KIAA1328: variants seen among roughly 807,000 people sequenced by gnomAD.
KIAA1328 encodes the protein KIAA1328.
Under a neutral mutation model 68.1 loss-of-function variants are expected in KIAA1328, and 52 were observed. That is an observed-to-expected ratio of 0.76 (90% CI 0.61 to 0.96). The LOEUF (loss-of-function observed/expected upper bound fraction) is 0.96, where lower values mean the gene tolerates loss of function less well. KIAA1328 is among the 40% of genes least tolerant of loss of function. The pLI, the probability that KIAA1328 is intolerant of heterozygous loss-of-function variation, is 0.00. For synonymous variants in KIAA1328, 232 were observed against 239.4 expected (o/e 0.97, Z 0.28); for missense variants, 641 against 677.6 (o/e 0.95, Z 0.60).
Position 37,167,879 on chromosome 18 carries a change from C to T in KIAA1328, c.1415-5094C>T, listed in dbSNP as rs574930871. 3.7e-4 allele frequency among the ~76,000 whole-genome samples: 56 copies of T among 152,110 alleles called. No homozygotes were observed. The South Asian group carries it at 0.01, about 28-fold the overall frequency. On this transcript the variant is annotated intron_variant, in intron 8 of 9. Transcript: ENST00000280020. Reference sequence around the variant, plus strand: ...TTTTCATCCCTGCACTTCCCTGCCCCCCTCCCTGATATCAAAGCCAGAGAC... The same window carrying T: ...TTTTCATCCCTGCACTTCCCTGCCCTCCTCCCTGATATCAAAGCCAGAGAC...
intron 4 of KIAA1328, among the ~76,000 whole-genome samples, chr18:36,846,916 C>T (rs2047049402): frequency 6.6e-6 from 1 of 151,246 alleles, no homozygotes; most frequent in Admixed American, 6.6e-5. Flanking sequence ...GAAATTGTAC[C>T]CATTCAATAA....
intron 7 of KIAA1328, chr18:37,075,047 G>A (rs1413436001): frequency 7.2e-5 from 11 of 151,820 alleles, no homozygotes; most frequent in Admixed American, 7.2e-4. Flanking sequence ...CACCAAAGTT[G>A]AAATGAAGGA....
At chr18:37,142,049 T>C (rs1424753243) in intron 7 of KIAA1328, among the ~76,000 whole-genome samples, 1 of 152,224 alleles carries the variant, frequency 6.6e-6, no homozygotes. Context: ...ATTTTTAATA[T>C]TGATGAAAGT....
chr18:36,869,658 A>G (rs2047878725), intron 4 of KIAA1328, among the ~76,000 whole-genome samples: 3 of 152,150 alleles, frequency 2.0e-5, no homozygotes, highest in Admixed American at 1.3e-4. Flanking sequence ...TACTTTTTAT[A>G]TGCCTGTTGT....
intron 4 of KIAA1328, among the ~76,000 whole-genome samples, chr18:36,878,614 A>G (rs1418826576): frequency 2.0e-5 from 3 of 152,174 alleles, no homozygotes; most frequent in African/African-American, 4.8e-5. Flanking sequence ...ATGTTTTCCA[A>G]CTTGGTTCCA....
intron 6 of KIAA1328, among the ~76,000 whole-genome samples, chr18:37,023,361 T>C (rs2054423544): frequency 6.6e-6 from 1 of 152,158 alleles, no homozygotes; most frequent in South Asian, 2.1e-4. Flanking sequence ...ACTGCAGGCA[T>C]GTGCCACTAA....
At chr18:37,092,375 C>T (rs948907167) in intron 7 of KIAA1328, among the ~76,000 whole-genome samples, 1 of 151,948 alleles carries the variant, frequency 6.6e-6, no homozygotes, top group African/African-American at 2.4e-5. Context: ...TGTGTATTGA[C>T]CCACCCCACT....
At chr18:36,981,623 G>A (rs1161645913) in intron 6 of KIAA1328, among the ~76,000 whole-genome samples, 1 of 152,088 alleles carries the variant, frequency 6.6e-6, no homozygotes, top group Admixed American at 6.6e-5. Context: ...ATCTTGCTCA[G>A]TCACCCAGGC....
At chr18:36,885,521 T>C (rs755474171) in intron 4 of KIAA1328, 36 bp from the exon 5 acceptor site, 117 of 1,270,768 alleles carry the variant, frequency 9.2e-5, no homozygotes, top group Non-Finnish European at 1.1e-6. Context: ...AATTTTATTC[T>C]GATAGATGTT....
At chr18:37,118,385 C>A (rs1255525830) in intron 7 of KIAA1328, among the ~76,000 whole-genome samples, 2 of 152,124 alleles carry the variant, frequency 1.3e-5, no homozygotes, top group African/African-American at 4.8e-5. Context: ...AGTGTAGTGA[C>A]CCAAACCTTT....
intron 7 of KIAA1328, among the ~76,000 whole-genome samples, chr18:37,149,851 A>G (rs959874861): frequency 4.6e-5 from 7 of 152,182 alleles, no homozygotes; most frequent in Non-Finnish European, 1.5e-5. Context: ...AACTGTAAAT[A>G]AAATTAATAA....
At chr18:37,088,235 G>A (rs1254701125) in intron 7 of KIAA1328, among the ~76,000 whole-genome samples, 1 of 152,084 alleles carries the variant, frequency 6.6e-6, no homozygotes, top group Non-Finnish European at 1.5e-5. Flanking sequence ...TCTCTGTTGT[G>A]CTGTCTTCAC....
intron 7 of KIAA1328, among the ~76,000 whole-genome samples, chr18:37,108,560 T>C (rs1333142399): frequency 2.6e-5 from 4 of 152,206 alleles, no homozygotes; most frequent in Non-Finnish European, 5.9e-5. Flanking sequence ...AATATATAAA[T>C]TTCTAATAAA....
intron 5 of KIAA1328, among the ~76,000 whole-genome samples, chr18:36,917,592 G>A (rs563151087): frequency 2.0e-5 from 3 of 152,242 alleles, no homozygotes; most frequent in East Asian, 1.9e-4. Flanking sequence ...CTGAAATTGG[G>A]CAGTAGCTGA....
chr18:37,080,986 G>T (rs540439233), intron 7 of KIAA1328, among the ~76,000 whole-genome samples: 2 of 151,596 alleles, frequency 1.3e-5, no homozygotes, highest in South Asian at 4.2e-4. Flanking sequence ...TGATTGATTG[G>T]TTGATTGATT....
intron 5 of KIAA1328, among the ~76,000 whole-genome samples, chr18:36,896,232 C>T (rs2048863213): frequency 6.6e-6 from 1 of 151,992 alleles, no homozygotes; most frequent in Admixed American, 6.6e-5. Flanking sequence ...CATTTTTGAA[C>T]AATAATTTTT....
chr18:37,197,371 A>C (rs1463874920), intron 9 of KIAA1328, among the ~76,000 whole-genome samples: 2 of 152,108 alleles, frequency 1.3e-5, no homozygotes, highest in African/African-American at 4.8e-5. Context: ...AACATGAACA[A>C]TGGAAAGTGT....
chr18:37,075,533 C>T (rs998158924), intron 7 of KIAA1328: 1 of 152,122 alleles, frequency 6.6e-6, no homozygotes. Flanking sequence ...AAGACACAGA[C>T]TGGCAAATTG....
At chr18:37,136,191 G>A (rs571034693) in intron 7 of KIAA1328, among the ~76,000 whole-genome samples, 9 of 152,252 alleles carry the variant, frequency 5.9e-5, no homozygotes, top group East Asian at 3.9e-4. Context: ...AGCACTGGCC[G>A]TGTGTGTTGA....
Sources: gnomAD v4.1 joint callset for allele counts (sites outside exome capture counted in the v4.1 genomes callset) on GRCh38, gnomAD v4.1.1 for gene constraint, MANE v1.5 for transcripts, NCBI Gene and HGNC (gene_info 2026-07-23, HGNC 2026-07-21) for gene names.